Variants in WDR46 observed in about 807,000 individuals in gnomAD.
WDR46 encodes the protein WD repeat-containing protein 46.
WDR46 carries 58 observed loss-of-function variants against 74.7 expected under a neutral mutation model. The ratio of observed to expected loss-of-function variants is 0.78; its 90% confidence interval spans 0.63 to 0.97. The LOEUF (loss-of-function observed/expected upper bound fraction) is 0.97, where lower values mean the gene tolerates loss of function less well. WDR46 is among the 50% of genes least tolerant of loss of function. The pLI, the probability that WDR46 is intolerant of heterozygous loss-of-function variation, is 0.00. For synonymous variants in WDR46, 278 were observed against 297.3 expected, an observed-to-expected ratio of 0.93 and a Z score of 0.67; for missense variants, 702 against 790.1, an observed-to-expected ratio of 0.89 and a Z score of 1.34.
Position 33,288,408 on chromosome 6 carries a change from T to A in WDR46, c.423A>T (p.Glu141Asp). 1 of 1,614,196 alleles carries A rather than the reference T, an allele frequency of 6.2e-7. No individual in the cohort carries two copies. The highest frequency in any genetic ancestry group is 8.5e-7 in the Non-Finnish European group (1 of 1,180,046). ...CAGAACGAGCAGCTTTGATACTTGT[T>A]TCCTCTTCCTCAGCTTCAGCCACCT... ...RLEVAEAEEE[E>D]TSIKAARSEL... The change falls in exon 4 of 15, where the codon GAA becomes GAT. Residue 141 changes from glutamate to aspartate, a missense_variant. Glu to Asp is a conservative substitution (Grantham distance 45, BLOSUM62 2). Transcript: ENST00000374617.
chr6:33,288,932 G>A lies in WDR46; in HGVS notation c.151C>T (p.Arg51Trp), dbSNP rs539972591. Residue 51 changes from arginine to tryptophan, a missense_variant, in exon 2 of 15, where the codon CGG becomes TGG. Coordinates refer to ENST00000374617, the MANE Select transcript of WDR46 (RefSeq NM_005452.6). ...SPGPPRNKKNRELRPQRPKNA... is the reference protein window; with the variant it reads ...SPGPPRNKKNWELRPQRPKNA... ...TTTGGTCTCTGAGGACGGAGCTCCC[G>A]ATTCTTCTTGTTACGAGGAGGCCCT... 3.1e-6 allele frequency: 5 copies of A among 1,613,998 alleles called. No individual in the cohort carries two copies. Among genetic ancestry groups the A allele is most frequent in the East Asian group, 2.2e-5 (1 of 44,888 alleles).
chr6:33,285,705 A>G (rs973831126), intron 10 of WDR46, among the ~76,000 whole-genome samples: 2 of 152,106 alleles, frequency 1.3e-5, no homozygotes, highest in East Asian at 3.9e-4. Flanking sequence ...GTGAATTTTT[A>G]GTAGAGACAG....
In WDR46 at chr6:33,288,454, G is replaced by C; in HGVS notation, c.377C>G (p.Ala126Gly). 6.2e-7 allele frequency: 1 copy of C among 1,614,102 alleles called. No homozygotes were observed. The highest frequency in any genetic ancestry group is 8.5e-7 in the Non-Finnish European group (1 of 1,180,036). Residue 126 changes from alanine (A) to glycine (G), a missense_variant, in exon 4 of 15, where the codon GCC (alanine) becomes GGC (glycine). Transcript: ENST00000374617. ...CACCTCAAGTCGGCTTCGAGTTTTG[G>C]CTTTAGAATGTGGTAGCTGTAACAT... ...DKSRKLPHSK[A>G]KTRSRLEVAE...
intron 6 of WDR46, 94 bp from the exon 7 acceptor site, chr6:33,287,812 GCGGGCAGACACAT>G: frequency 6.5e-7 from 1 of 1,533,502 alleles, no homozygotes; most frequent in Non-Finnish European, 9.0e-7. Context: ...ATCTCTCCAG[GCGGGCAGACACAT>G]GTTGCTGTAG....
chr6:33,279,833 G>A lies in WDR46; in HGVS notation c.1551C>T (p.Asp517=). ...EKVPAELICL[D]PRALAEVDVI... ...CATCCACCTCGGCCAGGGCTCGTGG[G>A]TCCAGACAAATAAGCTCTGCAGGTA... The change falls in exon 13 of 15, where the codon GAC becomes GAT. Residue 517 remains aspartate, a synonymous_variant. Transcript: ENST00000374617. The A allele has an allele frequency of 6.2e-7, 1 of 1,614,118 alleles. No homozygotes were observed. Among genetic ancestry groups the A allele is most frequent in the South Asian group, 1.1e-5 (1 of 91,074 alleles).
chr6:33,281,093 G>T (rs1409850629), intron 10 of WDR46, 106 bp from the exon 11 acceptor site: 3 of 1,188,082 alleles, frequency 2.5e-6, no homozygotes, highest in East Asian at 5.0e-5. Flanking sequence ...AAGATTAATA[G>T]TAATAACCAC....
chr6:33,286,262 C>T (rs896657401), intron 10 of WDR46, among the ~76,000 whole-genome samples: 4 of 152,240 alleles, frequency 2.6e-5, no homozygotes, highest in African/African-American at 9.6e-5. Flanking sequence ...GCCTGAACAA[C>T]ATGCTGAAAC....
chr6:33,282,437 C>T (rs557847290), intron 10 of WDR46, among the ~76,000 whole-genome samples: 1 of 152,346 alleles, frequency 6.6e-6, no homozygotes, highest in South Asian at 2.1e-4. Flanking sequence ...CATGCTGGCT[C>T]TTCTCCCCTC....
In WDR46 at chr6:33,289,026, C is replaced by G; in HGVS notation, c.70-13G>C. 6.2e-7 allele frequency: 1 copy of G among 1,613,618 alleles called. No individual in the cohort carries two copies. Among genetic ancestry groups the G allele is most frequent in the Non-Finnish European group, 8.5e-7 (1 of 1,179,674 alleles). Reference sequence around the variant, plus strand: ...ATCGCCGCGGTTTCTACAGGCACATCAGGAACTCCGCACTCACGCCCCGCC... The same window carrying G: ...ATCGCCGCGGTTTCTACAGGCACATGAGGAACTCCGCACTCACGCCCCGCC... On this transcript the variant is annotated splice_polypyrimidine_tract_variant and intron_variant, in intron 1 of 14. Transcript: ENST00000374617.
chr6:33,289,055 C>G, intron 1 of WDR46, 42 bp from the exon 2 acceptor site: 2 of 1,611,614 alleles, frequency 1.2e-6, no homozygotes, highest in Non-Finnish European at 1.7e-6. Flanking sequence ...CCCCGCCCCC[C>G]GACCCCACAG....
chr6:33,280,269 G>T (rs1766029217), intron 12 of WDR46, among the ~76,000 whole-genome samples, 159 bp downstream of exon 12: 1 of 138,520 alleles, frequency 7.2e-6, no homozygotes, highest in South Asian at 2.2e-4. Context: ...CAGCAGGGGG[G>T]AACCTGACCT....
rs1408075893 is a variant in WDR46, at chr6:33,279,763, C to T, written c.1620+1G>A. 6.2e-7 allele frequency: 1 copy of T among 1,614,048 alleles called. No homozygotes were observed. Among genetic ancestry groups the T allele is most frequent in the Non-Finnish European group, 8.5e-7 (1 of 1,179,968 alleles). ...TGGGCATTCAGGGGCCTGCTCCATACCAGCCTCTCTATCTGCTCCTTCTTT... is the reference window on the plus strand; with the variant it reads ...TGGGCATTCAGGGGCCTGCTCCATATCAGCCTCTCTATCTGCTCCTTCTTT... On this transcript the variant is annotated splice_donor_variant, in intron 13 of 14. Transcript: ENST00000374617. LOFTEE classifies it high-confidence loss of function.
At chr6:33,280,212 G>A (rs1009984060) in intron 12 of WDR46, among the ~76,000 whole-genome samples, 1 of 149,138 alleles carries the variant, frequency 6.7e-6, no homozygotes, top group Non-Finnish European at 1.5e-5. Flanking sequence ...CCCCGTCCAG[G>A]AGAGGGGAAT....
At chr6:33,288,752 C>CT (rs1261611464) in intron 2 of WDR46, 52 bp downstream of exon 2, 3 of 1,613,254 alleles carry the variant, frequency 1.9e-6, no homozygotes, top group Non-Finnish European at 2.5e-6. Flanking sequence ...AACCCTCTCA[C>CT]TCTCAAGGAA....
intron 12 of WDR46, 151 bp downstream of exon 12, chr6:33,280,276 AC>A (rs1766030962): frequency 4.4e-6 from 3 of 684,376 alleles, no homozygotes; most frequent in Non-Finnish European, 7.4e-6. Flanking sequence ...GGGGAACCTG[AC>A]CTTCTCCAGC....
intron 5 of WDR46, 36 bp from the exon 6 acceptor site, chr6:33,288,062 G>A: frequency 6.2e-7 from 1 of 1,613,946 alleles, no homozygotes; most frequent in Admixed American, 1.7e-5. Context: ...AGAGTGCCCT[G>A]CAGTAACGCC....
chr6:33,281,468 G>A (rs1014174174), intron 10 of WDR46, among the ~76,000 whole-genome samples: 2 of 152,210 alleles, frequency 1.3e-5, no homozygotes, highest in Non-Finnish European at 2.9e-5. Context: ...ATTACAGGAA[G>A]TAGATACACA....
rs1362364714 is a variant in WDR46 at position 33,288,660 on chromosome 6, G to A, written c.314C>T (p.Pro105Leu). The change falls in exon 3 of 15, where the codon CCT (proline) becomes CTT (leucine). Residue 105 changes from proline to leucine, a missense_variant. Coordinates refer to ENST00000374617, the MANE Select transcript of WDR46 (RefSeq NM_005452.6). ...QDPFPGPAPV[P>L]VEVVQKFCRI... ...ACAGAACTTCTGGACCACTTCCACA[G>A]GGACGGGGGCGGGGCCTGGGAATGG... 2 of 1,613,366 alleles carry A rather than the reference G, an allele frequency of 1.2e-6. No individual in the cohort carries two copies. Among genetic ancestry groups the A allele is most frequent in the East Asian group, 2.2e-5 (1 of 44,874 alleles).
chr6:33,286,952 C>T (rs1581683714), intron 9 of WDR46, 58 bp from the exon 10 acceptor site: 2 of 1,599,658 alleles, frequency 1.3e-6, no homozygotes, highest in Non-Finnish European at 1.7e-6. Context: ...GGTTACTAAA[C>T]ATGGGAAAGA....
Sources: gnomAD v4.1 joint callset for allele counts (sites outside exome capture counted in the v4.1 genomes callset) on GRCh38, gnomAD v4.1.1 for gene constraint, MANE v1.5 for transcripts, NCBI Gene and HGNC (gene_info 2026-07-23, HGNC 2026-07-21) for gene names.